Variants in ADGRB3 observed in about 807,000 individuals in gnomAD.
The protein encoded by ADGRB3 is brain-specific angiogenesis inhibitor 3.
Under a neutral mutation model 193.4 loss-of-function variants are expected in ADGRB3, and 37 were observed. The ratio of observed to expected loss-of-function variants is 0.19; its 90% confidence interval spans 0.15 to 0.25. The LOEUF is 0.25. ADGRB3 is among the 10% of genes least tolerant of loss of function. The pLI, the probability that ADGRB3 is intolerant of heterozygous loss-of-function variation, is 1.00. For synonymous variants in ADGRB3, 690 were observed against 644.2 expected, an observed-to-expected ratio of 1.07 and a Z score of -1.08; for missense variants, 1,637 against 1,852.9, an observed-to-expected ratio of 0.88 and a Z score of 2.14.
intron 15 of ADGRB3, among the ~76,000 whole-genome samples, chr6:69,061,296 A>G (rs1174711369): frequency 2.0e-5 from 3 of 152,002 alleles, no homozygotes; most frequent in Non-Finnish European, 2.9e-5. Context: ...GCTACTAGAT[A>G]TAGTAAATTC....
intron 3 of ADGRB3, among the ~76,000 whole-genome samples, chr6:68,750,620 T>C (rs1766179591): frequency 6.6e-6 from 1 of 152,228 alleles, no homozygotes; most frequent in Admixed American, 6.5e-5. Flanking sequence ...GCTAACTGTT[T>C]ATTCTGCAAA....
At chr6:69,031,561 T>TTCTTTCTTTCTTTCTTTCTTTCTTTCTC (rs1170990937) in intron 13 of ADGRB3, among the ~76,000 whole-genome samples, 1 of 133,872 alleles carries the variant, frequency 7.5e-6, no homozygotes, top group Admixed American at 7.8e-5. Flanking sequence ...TTTTCTTTCT[T>TTCTTTCTTTCTTTCTTTCTTTCTTTCTC]TCTTTTCTTC....
chr6:69,040,667 CTGA>C (rs1375771784), intron 13 of ADGRB3, among the ~76,000 whole-genome samples: 1 of 52,332 alleles, frequency 1.9e-5, no homozygotes, highest in Admixed American at 3.5e-4. Flanking sequence ...TTTGAAATGA[CTGA>C]TGGACAAAAA....
intron 3 of ADGRB3, among the ~76,000 whole-genome samples, chr6:68,885,995 G>A (rs1765896606): frequency 1.3e-5 from 2 of 152,088 alleles, no homozygotes; most frequent in African/African-American, 4.8e-5. Context: ...AAAAAGACAA[G>A]ATTGGGTAAT....
chr6:69,326,966 A>C (rs1451839558), intron 21 of ADGRB3, among the ~76,000 whole-genome samples: 1 of 152,114 alleles, frequency 6.6e-6, no homozygotes, highest in Non-Finnish European at 1.5e-5. Context: ...CTTGTCATTA[A>C]ATCTCATGAA....
At chr6:69,206,477 CA>C (rs1242494891) in intron 17 of ADGRB3, among the ~76,000 whole-genome samples, 2 of 152,232 alleles carry the variant, frequency 1.3e-5, no homozygotes, top group East Asian at 3.9e-4. Context: ...CACCCTTTGT[CA>C]ACTTGAACCC....
At chr6:69,358,087 G>T (rs1038330779) in intron 28 of ADGRB3, among the ~76,000 whole-genome samples, 1 of 151,710 alleles carries the variant, frequency 6.6e-6, no homozygotes, top group African/African-American at 2.4e-5. Flanking sequence ...CTCATTTGGT[G>T]TACTCATTAC....
At chr6:68,867,019 A>G (rs1249997948) in intron 3 of ADGRB3, among the ~76,000 whole-genome samples, 1 of 152,250 alleles carries the variant, frequency 6.6e-6, no homozygotes, top group Admixed American at 6.5e-5. Context: ...GGTAGAAAAG[A>G]AAAACCTATT....
chr6:68,696,118 T>A (rs1359623876), intron 3 of ADGRB3, among the ~76,000 whole-genome samples: 2 of 152,028 alleles, frequency 1.3e-5, no homozygotes. Flanking sequence ...CCGTTATCAA[T>A]GGTTTACAGT....
intron 3 of ADGRB3, among the ~76,000 whole-genome samples, chr6:68,854,254 C>T (rs1235049540): frequency 6.6e-6 from 1 of 152,046 alleles, no homozygotes; most frequent in East Asian, 1.9e-4. Context: ...TTGAGTTTGC[C>T]TCATTGCAGG....
intron 17 of ADGRB3, among the ~76,000 whole-genome samples, chr6:69,228,995 T>G (rs916265523): frequency 1.3e-5 from 2 of 152,130 alleles, no homozygotes; most frequent in Non-Finnish European, 2.9e-5. Flanking sequence ...ATATCCCAAG[T>G]CCTATCATAG....
At chr6:69,009,919 G>C (rs1255077834) in intron 11 of ADGRB3, among the ~76,000 whole-genome samples, 4 of 152,028 alleles carry the variant, frequency 2.6e-5, no homozygotes, top group African/African-American at 9.7e-5. Flanking sequence ...ACATATTTTA[G>C]TATATTTATA....
intron 6 of ADGRB3, among the ~76,000 whole-genome samples, chr6:68,952,062 C>G (rs1052692045): frequency 1.3e-5 from 2 of 152,020 alleles, no homozygotes; most frequent in Admixed American, 6.6e-5. Context: ...CTACATTTAT[C>G]CCTAAAAGAT....
chr6:69,150,984 A>G (rs1592056), intron 17 of ADGRB3, among the ~76,000 whole-genome samples: 97,261 of 152,144 alleles, frequency 0.64, 32,332 homozygotes, highest in East Asian at 0.95. Flanking sequence ...CAAGTTGCAA[A>G]ACAAAGTCCA....
chr6:69,153,006 G>A (rs1457055397), intron 17 of ADGRB3, among the ~76,000 whole-genome samples: 1 of 152,102 alleles, frequency 6.6e-6, no homozygotes, highest in Admixed American at 6.5e-5. Flanking sequence ...TACAAAACAT[G>A]TGCAGGTGCT....
chr6:68,727,016 C>G (rs944466700), intron 3 of ADGRB3, among the ~76,000 whole-genome samples: 1 of 151,450 alleles, frequency 6.6e-6, no homozygotes, highest in African/African-American at 2.4e-5. Context: ...AATTTAATAC[C>G]TTTAATCAGA....
chr6:69,024,885 G>A (rs1770380355), intron 13 of ADGRB3, among the ~76,000 whole-genome samples: 1 of 152,086 alleles, frequency 6.6e-6, no homozygotes, highest in Non-Finnish European at 1.5e-5. Context: ...GAGGTCAGGA[G>A]ATCGAGACCA....
chr6:68,680,837 T>C (rs1764882081), intron 3 of ADGRB3, among the ~76,000 whole-genome samples: 1 of 152,200 alleles, frequency 6.6e-6, no homozygotes, highest in Admixed American at 6.5e-5. Context: ...AAACAAATAC[T>C]CAAAAATCTG....
At chr6:68,637,819 C>G (rs1429404874) in intron 2 of ADGRB3, among the ~76,000 whole-genome samples, 1 of 146,416 alleles carries the variant, frequency 6.8e-6, no homozygotes, top group Admixed American at 6.8e-5. Flanking sequence ...TTTTTTTTAA[C>G]TGATATCACC....
Sources: allele counts gnomAD v4.1 joint callset (sites outside exome capture counted in the v4.1 genomes callset), GRCh38; gene constraint gnomAD v4.1.1; transcripts MANE v1.5; gene names NCBI Gene and HGNC (gene_info 2026-07-23, HGNC 2026-07-21).